The following ARIH2 variants were observed in gnomAD, a reference collection of about 807,000 sequenced individuals.
ARIH2 encodes the protein ariadne RBR E3 ubiquitin protein ligase 2.
Under a neutral mutation model 79.8 loss-of-function variants are expected in ARIH2, and 12 were observed. That is an observed-to-expected ratio of 0.15 (90% CI 0.10 to 0.24). The LOEUF (loss-of-function observed/expected upper bound fraction) is 0.24, where lower values mean the gene tolerates loss of function less well. ARIH2 is among the 10% of genes least tolerant of loss of function. ARIH2 has a pLI of 1.00. For missense variants in ARIH2, 301 were observed against 618.3 expected, an observed-to-expected ratio of 0.49 and a Z score of 5.44; for synonymous variants, 224 against 213.9, an observed-to-expected ratio of 1.05 and a Z score of -0.41.
intron 3 of ARIH2, among the ~76,000 whole-genome samples, chr3:48,960,471 CAAAA>C (rs373788003): frequency 5.4e-5 from 8 of 147,018 alleles, no homozygotes; most frequent in South Asian, 2.2e-4. Flanking sequence ...AAAAAAAAAA[CAAAA>C]AAACCTGGCC....
intron 3 of ARIH2, chr3:48,934,332 T>C: frequency 1.2e-6 from 1 of 866,790 alleles, no homozygotes; most frequent in Non-Finnish European, 1.4e-6. Context: ...AAACTTTAAT[T>C]ATTAAATCAA....
rs891896270 is a variant in ARIH2, at chr3:48,918,949, G to C, written c.-211G>C. On this transcript the variant is annotated 5_prime_UTR_variant, in exon 1 of 16. Transcript: ENST00000356401. ...CAATCCGGTCCCTCTGGCCCGGCCT[G>C]ACCCGGTCTGGCTTGTTCGGGCTCA... 1 of 1,553,798 alleles carries C rather than the reference G, an allele frequency of 6.4e-7. No homozygotes were observed. Among genetic ancestry groups the C allele is most frequent in the Non-Finnish European group, 8.6e-7 (1 of 1,158,298 alleles).
rs568174480 is a variant in ARIH2 at position 48,952,972 on chromosome 3, C to T, written c.256-8640C>T. Among the ~76,000 whole-genome samples the T allele has an allele frequency of 3.3e-5, 5 of 152,044 alleles. No homozygotes were observed. In the East Asian group the frequency reaches 9.6e-4, roughly 29 times the overall value. On this transcript the variant is annotated intron_variant, in intron 3 of 15. Coordinates refer to ENST00000356401, the MANE Select transcript of ARIH2 (RefSeq NM_006321.4). Reference sequence around the variant, plus strand: ...TAAACGCAGTCTCGTTCTTGTCACCCAAGCTAGAGTGCAGTGGCGCGATCT... The same window carrying T: ...TAAACGCAGTCTCGTTCTTGTCACCTAAGCTAGAGTGCAGTGGCGCGATCT...
At position 48,983,532 on chromosome 3, in the gene ARIH2, A is replaced by T. The variant is rs1396567094; in HGVS notation, c.*262A>T. 8.0e-6 allele frequency: 4 copies of T among 500,606 alleles called. No individual in the cohort carries two copies. The highest frequency in any genetic ancestry group is 3.6e-5 in the Admixed American group (1 of 28,018). 31.0% of individuals were successfully genotyped at this position (500,606 alleles called of 1,614,324 possible). ...TGGATGGTTGTTGGGAGGGAGGGAAAGTGTTTTCTGAATGGCTATTAATAG... is the reference window on the plus strand; with the variant it reads ...TGGATGGTTGTTGGGAGGGAGGGAATGTGTTTTCTGAATGGCTATTAATAG... On this transcript the variant is annotated 3_prime_UTR_variant, in exon 16 of 16. Transcript: ENST00000356401.
At chr3:48,926,286 T>C (rs2085595764) in intron 2 of ARIH2, among the ~76,000 whole-genome samples, 1 of 152,122 alleles carries the variant, frequency 6.6e-6, no homozygotes, top group Non-Finnish European at 1.5e-5. Flanking sequence ...CGTGTGTGTG[T>C]GACGGAGTTT....
chr3:48,964,414 C>T (rs1031564858), intron 4 of ARIH2, among the ~76,000 whole-genome samples: 1 of 151,676 alleles, frequency 6.6e-6, no homozygotes, highest in Non-Finnish European at 1.5e-5. Context: ...CTCCCGGGTT[C>T]GAACGATTCT....
intron 10 of ARIH2, 30 bp downstream of exon 10, chr3:48,974,897 G>T (rs1466054445): frequency 6.2e-7 from 1 of 1,614,140 alleles, no homozygotes; most frequent in Non-Finnish European, 8.5e-7. Flanking sequence ...GTTTGCATGT[G>T]TGACATGGAA....
chr3:48,981,039 A>AG (rs2092727372), intron 13 of ARIH2, among the ~76,000 whole-genome samples: 1 of 149,440 alleles, frequency 6.7e-6, no homozygotes, highest in Non-Finnish European at 1.5e-5. Context: ...AAAAAAAAAA[A>AG]AAAGATTGGG....
intron 3 of ARIH2, among the ~76,000 whole-genome samples, chr3:48,960,308 C>T (rs1559806938): frequency 6.6e-6 from 1 of 152,064 alleles, no homozygotes; most frequent in Admixed American, 6.6e-5. Flanking sequence ...ACTTCTAAGG[C>T]GGGTGAAGTG....
intron 15 of ARIH2, 101 bp from the exon 16 acceptor site, chr3:48,983,097 GT>G: frequency 1.3e-6 from 2 of 1,519,410 alleles, no homozygotes; most frequent in Non-Finnish European, 1.8e-6. Flanking sequence ...GAAGGGCAGT[GT>G]TTTTGACTCC....
At chr3:48,974,524 T>G in intron 9 of ARIH2, 1 of 481,024 alleles carries the variant, frequency 2.1e-6, no homozygotes, top group African/African-American at 1.9e-5. Context: ...GAAGGCAGGC[T>G]TTCTGCTGAT....
chr3:48,967,131 A>T lies in ARIH2; in HGVS notation c.394A>T (p.Thr132Ser). ...VQPNPSKHVPTSHPPHHCAVC... is the reference protein window; with the variant it reads ...VQPNPSKHVPSSHPPHHCAVC... ...TGGCTCTGTTTCTCTCCAGGTTCCCACATCCCATCCCCCTCACCACTGTGC... is the reference window on the plus strand; with the variant it reads ...TGGCTCTGTTTCTCTCCAGGTTCCCTCATCCCATCCCCCTCACCACTGTGC... The change falls in exon 6 of 16, where the codon ACA (threonine) becomes TCA (serine). Residue 132 changes from threonine (T) to serine (S), a missense_variant. Physicochemically the swap from Thr to Ser is moderately conservative, Grantham distance 58 (BLOSUM62 1). Transcript: ENST00000356401. 6.2e-7 allele frequency: 1 copy of T among 1,613,646 alleles called. No homozygotes were observed. The highest frequency in any genetic ancestry group is 8.5e-7 in the Non-Finnish European group (1 of 1,179,718).
At chr3:48,922,548 T>C (rs2084963417) in intron 1 of ARIH2, 200 bp from the exon 2 acceptor site, 1 of 152,170 alleles carries the variant, frequency 6.6e-6, no homozygotes, top group Admixed American at 6.6e-5. Context: ...CTTTCTTTTT[T>C]TAGAAGGTCA....
intron 3 of ARIH2, among the ~76,000 whole-genome samples, chr3:48,955,971 G>T (rs2090523828): frequency 6.6e-6 from 1 of 152,124 alleles, no homozygotes; most frequent in African/African-American, 2.4e-5. Context: ...TGGGGAATCT[G>T]GCTTTCCTGT....
At chr3:48,940,437 C>G (rs544994787) in intron 3 of ARIH2, among the ~76,000 whole-genome samples, 1 of 152,036 alleles carries the variant, frequency 6.6e-6, no homozygotes, top group African/African-American at 2.4e-5. Context: ...CGGTGGCTCA[C>G]TCCTGTAATC....
In ARIH2 at chr3:48,945,252, T is replaced by G. The variant is rs945595126; in HGVS notation, c.256-16360T>G. 3 of 1,248,310 alleles carry G rather than the reference T, an allele frequency of 2.4e-6. No individual in the cohort carries two copies. The African/African-American group carries it at 4.6e-5, about 19-fold the overall frequency. 77.3% of individuals were successfully genotyped at this position (1,248,310 alleles called of 1,614,324 possible). A position where few individuals can be genotyped will look rare whatever the true frequency, so the allele number is the denominator to read the frequency against. On this transcript the variant is annotated intron_variant, in intron 3 of 15. Transcript: ENST00000356401. Reference sequence around the variant, plus strand: ...TTCTTTTTTCTGGGGGAAAAGTCTATTTGCAAGCTATGTTGTTAACTTGTC... The same window carrying G: ...TTCTTTTTTCTGGGGGAAAAGTCTAGTTGCAAGCTATGTTGTTAACTTGTC...
intron 3 of ARIH2, chr3:48,943,242 T>A (rs992407880): frequency 6.6e-6 from 1 of 152,256 alleles, no homozygotes; most frequent in East Asian, 1.9e-4. Flanking sequence ...CCTGATTTCC[T>A]TATTGTTCCT....
intron 3 of ARIH2, among the ~76,000 whole-genome samples, chr3:48,936,139 G>A (rs1324894291): frequency 6.6e-6 from 1 of 151,950 alleles, no homozygotes; most frequent in African/African-American, 2.4e-5. Flanking sequence ...TACTTGTTTT[G>A]GGGGTTCTTG....
chr3:48,962,436 G>A (rs2091371247), intron 4 of ARIH2, among the ~76,000 whole-genome samples: 2 of 151,952 alleles, frequency 1.3e-5, no homozygotes, highest in Admixed American at 6.6e-5. Flanking sequence ...TACCAGCAGT[G>A]TATTTGAGTA....
Sources: gnomAD v4.1 joint callset for allele counts (sites outside exome capture counted in the v4.1 genomes callset) on GRCh38, gnomAD v4.1.1 for gene constraint, MANE v1.5 for transcripts, NCBI Gene and HGNC (gene_info 2026-07-23, HGNC 2026-07-21) for gene names.